GRIA4: variants seen among roughly 807,000 people sequenced by gnomAD.
GRIA4 encodes the protein glutamate receptor 4.
A neutral mutation model predicts 104.0 loss-of-function variants in GRIA4; 34 were observed. That is an observed-to-expected ratio of 0.33 (90% confidence interval 0.25 to 0.44). The LOEUF is 0.44. Among genes scored for constraint, GRIA4 ranks in the 20% least tolerant of loss-of-function variants. The probability of loss-of-function intolerance (pLI) is 1.00; values close to 1 mark genes in which losing one functional copy is unlikely to be tolerated. For missense variants in GRIA4, 750 were observed against 1,096.5 expected (o/e 0.68, Z 4.46); for synonymous variants, 386 against 381.9 (o/e 1.01, Z -0.13).
chr11:105,737,392 A>G (rs1027078087), intron 3 of GRIA4, among the ~76,000 whole-genome samples: 4 of 152,128 alleles, frequency 2.6e-5, no homozygotes, highest in African/African-American at 9.7e-5. Flanking sequence ...TAACCATGCA[A>G]AAGTTTAATA....
chr11:105,726,439 G>A (rs930898069), intron 3 of GRIA4, among the ~76,000 whole-genome samples: 3 of 152,110 alleles, frequency 2.0e-5, no homozygotes, highest in African/African-American at 7.2e-5. Context: ...CAGGGCACCT[G>A]GGGGGAGGGG....
intron 4 of GRIA4, among the ~76,000 whole-genome samples, chr11:105,788,259 T>C (rs1942062729): frequency 6.6e-6 from 1 of 152,130 alleles, no homozygotes; most frequent in Non-Finnish European, 1.5e-5. Context: ...GATGTTGGCA[T>C]GGATGTGGAG....
At chr11:105,913,135 G>A (rs998550714) in intron 10 of GRIA4, 81 of 578,552 alleles carry the variant, frequency 1.4e-4, no homozygotes, top group African/African-American at 2.0e-4. Flanking sequence ...TTTATTGAGC[G>A]TCTGCTATGT....
At chr11:105,867,356 C>A (rs1425771788) in intron 5 of GRIA4, among the ~76,000 whole-genome samples, 1 of 152,168 alleles carries the variant, frequency 6.6e-6, no homozygotes, top group African/African-American at 2.4e-5. Flanking sequence ...CCTACCATGT[C>A]TAGTACCATC....
At chr11:105,886,854 TA>T (rs1018805855) in intron 5 of GRIA4, among the ~76,000 whole-genome samples, 11 of 151,316 alleles carry the variant, frequency 7.3e-5, no homozygotes, top group Admixed American at 7.2e-4. Flanking sequence ...GAATTTTTTT[TA>T]AAAAAAGATG....
intron 16 of GRIA4, among the ~76,000 whole-genome samples, chr11:105,977,587 T>C (rs903145784): frequency 6.6e-6 from 1 of 152,006 alleles, no homozygotes; most frequent in Non-Finnish European, 1.5e-5. Flanking sequence ...ACTAAAGGGT[T>C]CTGACCCCCA....
chr11:105,727,925 C>T (rs1345636287), intron 3 of GRIA4, among the ~76,000 whole-genome samples: 1 of 152,078 alleles, frequency 6.6e-6, no homozygotes. Flanking sequence ...CAAAAACAAA[C>T]CAAAATGTAA....
At chr11:105,913,290 G>A in intron 10 of GRIA4, 1 of 563,268 alleles carries the variant, frequency 1.8e-6, no homozygotes. Flanking sequence ...TGTAGTGTTA[G>A]CTTTTATGGC....
At chr11:105,729,092 T>C (rs889550190) in intron 3 of GRIA4, among the ~76,000 whole-genome samples, 4 of 151,304 alleles carry the variant, frequency 2.6e-5, no homozygotes, top group Non-Finnish European at 5.9e-5. Flanking sequence ...ACTAACAAAA[T>C]TGATATACTG....
At chr11:105,837,365 T>A (rs17104633) in intron 4 of GRIA4, among the ~76,000 whole-genome samples, 7,092 of 152,216 alleles carry the variant, frequency 0.047, 378 homozygotes, top group African/African-American at 0.13. Context: ...TTAGAACCAC[T>A]ATGAGTCTTT....
intron 3 of GRIA4, among the ~76,000 whole-genome samples, chr11:105,666,083 ATAGAGG>A (rs1385585699): frequency 6.6e-6 from 1 of 152,040 alleles, no homozygotes; most frequent in Non-Finnish European, 1.5e-5. Flanking sequence ...GTTTTTCTGT[ATAGAGG>A]TAAAGTGATA....
intron 14 of GRIA4, among the ~76,000 whole-genome samples, chr11:105,948,186 G>A (rs1449239057): frequency 6.6e-6 from 1 of 152,110 alleles, no homozygotes; most frequent in African/African-American, 2.4e-5. Flanking sequence ...TTGCTCATCA[G>A]CCTAAACAAA....
chr11:105,939,559 AT>A (rs906167700), intron 14 of GRIA4, among the ~76,000 whole-genome samples: 4 of 151,860 alleles, frequency 2.6e-5, no homozygotes, highest in African/African-American at 7.3e-5. Flanking sequence ...CCAGAAAGAT[AT>A]TTTTTTTGTT....
intron 4 of GRIA4, among the ~76,000 whole-genome samples, chr11:105,791,024 C>A (rs1466177599): frequency 5.9e-5 from 9 of 152,124 alleles, no homozygotes; most frequent in Admixed American, 5.9e-4. Context: ...GTGTGGCCCT[C>A]CCACTGGGTA....
chr11:105,740,408 C>G (rs1211183535), intron 3 of GRIA4, among the ~76,000 whole-genome samples: 1 of 152,198 alleles, frequency 6.6e-6, no homozygotes, highest in African/African-American at 2.4e-5. Flanking sequence ...CTCTCTCATT[C>G]TCTTCCTTTC....
At chr11:105,839,623 A>T (rs1180317948) in intron 4 of GRIA4, among the ~76,000 whole-genome samples, 1 of 151,782 alleles carries the variant, frequency 6.6e-6, no homozygotes, top group Admixed American at 6.6e-5. Flanking sequence ...AAAAATAAGA[A>T]CCCCAGCCCA....
intron 3 of GRIA4, among the ~76,000 whole-genome samples, chr11:105,688,152 ATATCTC>A (rs1309462939): frequency 0.04 from 2,817 of 70,634 alleles, 48 homozygotes; most frequent in Non-Finnish European, 0.046. Flanking sequence ...ATCTATATCT[ATATCTC>A]TATCTATCTA....
intron 3 of GRIA4, among the ~76,000 whole-genome samples, chr11:105,724,573 G>C (rs1354594273): frequency 6.6e-6 from 1 of 151,938 alleles, no homozygotes; most frequent in African/African-American, 2.4e-5. Flanking sequence ...CTTATAAGTG[G>C]GAGCTAAATA....
chr11:105,631,386 T>C (rs1951031874), intron 3 of GRIA4, among the ~76,000 whole-genome samples: 2 of 152,174 alleles, frequency 1.3e-5, no homozygotes, highest in Non-Finnish European at 2.9e-5. Flanking sequence ...TGAAGTAAAA[T>C]TGGACCGATA....
Sources: gnomAD v4.1 joint callset for allele counts (sites outside exome capture counted in the v4.1 genomes callset) on GRCh38, gnomAD v4.1.1 for gene constraint, MANE v1.5 for transcripts, NCBI Gene and HGNC (gene_info 2026-07-23, HGNC 2026-07-21) for gene names.